Variants in RASSF9 observed in about 807,000 individuals in gnomAD.
RASSF9 encodes ras association domain-containing protein 9.
In RASSF9, 18 loss-of-function variants were observed where a neutral mutation model predicts 21.4. The ratio of observed to expected loss-of-function variants is 0.84; its 90% confidence interval spans 0.58 to 1.25. The LOEUF is 1.25. Among genes scored for constraint, RASSF9 ranks in the 50% most tolerant of loss-of-function variants. The pLI is 0.00. For synonymous variants in RASSF9, 183 were observed against 179.1 expected (o/e 1.02, Z -0.18); for missense variants, 480 against 503.2 (o/e 0.95, Z 0.44).
chr12:85,807,914 C>T (rs1442987349), intron 1 of RASSF9, among the ~76,000 whole-genome samples: 1 of 152,068 alleles, frequency 6.6e-6, no homozygotes, highest in Non-Finnish European at 1.5e-5. Flanking sequence ...AAACAAATGA[C>T]ATGAAATTAG....
intron 1 of RASSF9, among the ~76,000 whole-genome samples, chr12:85,828,050 T>C (rs367881920): frequency 1.3e-5 from 2 of 152,182 alleles, no homozygotes; most frequent in African/African-American, 4.8e-5. Context: ...TTAAAATGCT[T>C]GTTTTGTATT....
At chr12:85,812,280 G>GA (rs1399254818) in intron 1 of RASSF9, among the ~76,000 whole-genome samples, 2 of 151,312 alleles carry the variant, frequency 1.3e-5, no homozygotes, top group Non-Finnish European at 3.0e-5. Flanking sequence ...TATTAAATTT[G>GA]ATAATATTAA....
chr12:85,823,307 C>A (rs1380478630), intron 1 of RASSF9, among the ~76,000 whole-genome samples: 2 of 152,120 alleles, frequency 1.3e-5, no homozygotes, highest in African/African-American at 4.8e-5. Context: ...TAGCCACTTG[C>A]AGAACTGATC....
chr12:85,819,389 A>C (rs1880158813), intron 1 of RASSF9, among the ~76,000 whole-genome samples: 1 of 152,118 alleles, frequency 6.6e-6, no homozygotes. Context: ...AAATTAGCAA[A>C]ATATGGATTT....
intron 1 of RASSF9, among the ~76,000 whole-genome samples, chr12:85,834,732 C>T (rs1188088674): frequency 1.3e-5 from 2 of 151,764 alleles, no homozygotes; most frequent in African/African-American, 4.8e-5. Context: ...AAACAAATGC[C>T]AAAATAATAC....
At chr12:85,824,144 C>G (rs910560186) in intron 1 of RASSF9, among the ~76,000 whole-genome samples, 2 of 152,092 alleles carry the variant, frequency 1.3e-5, no homozygotes, top group Non-Finnish European at 2.9e-5. Context: ...ATTTTCATAA[C>G]TTACAGACAC....
chr12:85,826,617 T>G (rs569569164), intron 1 of RASSF9, among the ~76,000 whole-genome samples: 7,343 of 151,374 alleles, frequency 0.049, 370 homozygotes, highest in African/African-American at 0.13. Context: ...CTGGCTAATT[T>G]TTTGTATTTT....
chr12:85,812,864 GT>G (rs952367479), intron 1 of RASSF9, among the ~76,000 whole-genome samples: 1 of 151,652 alleles, frequency 6.6e-6, no homozygotes, highest in Non-Finnish European at 1.5e-5. Flanking sequence ...TATGCACAAT[GT>G]TTTTTCACCT....
At chr12:85,807,318 G>A (rs1039151243) in intron 1 of RASSF9, among the ~76,000 whole-genome samples, 5 of 152,128 alleles carry the variant, frequency 3.3e-5, no homozygotes, top group African/African-American at 1.2e-4. Context: ...AGGCAACAGA[G>A]GGGATGGAGA....
In RASSF9 at chr12:85,804,442, C is replaced by T. The variant is rs918269567; in HGVS notation, c.*260G>A. The T allele has an allele frequency of 7.8e-5, 28 of 359,762 alleles. 1 individual carries two copies. The highest frequency in any genetic ancestry group is 8.5e-5 in the Non-Finnish European group (17 of 200,350). 22.3% of individuals were successfully genotyped at this position (359,762 alleles called of 1,614,324 possible). A position where few individuals can be genotyped will look rare whatever the true frequency, so the allele number is the denominator to read the frequency against. On this transcript the variant is annotated 3_prime_UTR_variant, in exon 2 of 2. Transcript: ENST00000361228. ...GCTAAGGAAGATTATCATATGATTC[C>T]CATCAAATTATTTCTGTGTTCTACA...
At chr12:85,828,881 G>T (rs547260439) in intron 1 of RASSF9, among the ~76,000 whole-genome samples, 2 of 152,094 alleles carry the variant, frequency 1.3e-5, no homozygotes, top group Non-Finnish European at 2.9e-5. Flanking sequence ...TGAGAAGGTA[G>T]TTATTACATG....
chr12:85,825,554 A>G (rs1185890630), intron 1 of RASSF9, among the ~76,000 whole-genome samples: 3 of 152,180 alleles, frequency 2.0e-5, no homozygotes, highest in Non-Finnish European at 2.9e-5. Context: ...TTTTCATACT[A>G]CAAGGACAGA....
At chr12:85,811,864 C>T (rs1000086536) in intron 1 of RASSF9, among the ~76,000 whole-genome samples, 17 of 151,712 alleles carry the variant, frequency 1.1e-4, no homozygotes, top group Admixed American at 5.3e-4. Context: ...TACCATCTTA[C>T]TCAGTGTTAA....
chr12:85,825,431 G>C (rs1880311643), intron 1 of RASSF9, among the ~76,000 whole-genome samples: 1 of 152,054 alleles, frequency 6.6e-6, no homozygotes, highest in Non-Finnish European at 1.5e-5. Flanking sequence ...TCTAGATCAA[G>C]TGTCTGAAAA....
intron 1 of RASSF9, among the ~76,000 whole-genome samples, chr12:85,816,178 G>A (rs536808507): frequency 7.2e-5 from 11 of 151,966 alleles, no homozygotes; most frequent in Admixed American, 6.6e-4. Context: ...GGAGGAGGGA[G>A]AGGTTCAGGC....
At chr12:85,834,750 A>G (rs1462224563) in intron 1 of RASSF9, among the ~76,000 whole-genome samples, 1 of 152,166 alleles carries the variant, frequency 6.6e-6, no homozygotes, top group Non-Finnish European at 1.5e-5. Context: ...TACTACAAAA[A>G]TACCACTACA....
chr12:85,829,780 T>C (rs1880410474), intron 1 of RASSF9, among the ~76,000 whole-genome samples: 1 of 152,128 alleles, frequency 6.6e-6, no homozygotes, highest in Non-Finnish European at 1.5e-5. Flanking sequence ...GAGCACCTAC[T>C]CTACAGAGGA....
At chr12:85,835,388 C>T (rs1225596302) in intron 1 of RASSF9, among the ~76,000 whole-genome samples, 3 of 152,136 alleles carry the variant, frequency 2.0e-5, no homozygotes, top group African/African-American at 7.2e-5. Context: ...CTAAGACAGA[C>T]ATACTGTCCC....
intron 1 of RASSF9, among the ~76,000 whole-genome samples, chr12:85,830,388 T>G (rs1880424369): frequency 6.6e-6 from 1 of 152,132 alleles, no homozygotes; most frequent in Admixed American, 6.6e-5. Context: ...ATTCATTCTT[T>G]AAGTTACCCA....
Sources: gnomAD v4.1 joint callset for allele counts (sites outside exome capture counted in the v4.1 genomes callset) on GRCh38, gnomAD v4.1.1 for gene constraint, MANE v1.5 for transcripts, NCBI Gene and HGNC (gene_info 2026-07-23, HGNC 2026-07-21) for gene names.